NMU: variants seen among roughly 807,000 people sequenced by gnomAD.
The protein encoded by NMU is neuromedin-U.
Under a neutral mutation model 35.4 loss-of-function variants are expected in NMU, and 29 were observed. That is an observed-to-expected ratio of 0.82 (90% CI 0.61 to 1.12). NMU has a LOEUF of 1.12. Among genes scored for constraint, NMU ranks in the 50% most tolerant of loss-of-function variants. NMU has a pLI of 0.00. For missense variants in NMU, 199 were observed against 206.2 expected, an observed-to-expected ratio of 0.97 and a Z score of 0.21; for synonymous variants, 78 against 81.3, an observed-to-expected ratio of 0.96 and a Z score of 0.22.
At chr4:55,627,808 A>G (rs934806258) in intron 2 of NMU, among the ~76,000 whole-genome samples, 3 of 152,240 alleles carry the variant, frequency 2.0e-5, no homozygotes, top group Non-Finnish European at 4.4e-5. Flanking sequence ...ATAGACTAGA[A>G]GAGAAAAAGC....
chr4:55,618,462 A>C (rs369040295), intron 2 of NMU, among the ~76,000 whole-genome samples: 1 of 152,176 alleles, frequency 6.6e-6, no homozygotes, highest in East Asian at 1.9e-4. Flanking sequence ...ACGAGTGAGA[A>C]ATTGTGTTTG....
At chr4:55,617,855 A>C (rs1195168032) in intron 2 of NMU, among the ~76,000 whole-genome samples, 1 of 152,228 alleles carries the variant, frequency 6.6e-6, no homozygotes, top group Non-Finnish European at 1.5e-5. Flanking sequence ...GAGGTGGTCC[A>C]TGTTCAAGAA....
chr4:55,611,227 G>A (rs573473569), intron 3 of NMU, among the ~76,000 whole-genome samples: 3 of 152,172 alleles, frequency 2.0e-5, no homozygotes, highest in African/African-American at 7.2e-5. Flanking sequence ...GCCAGGTGTG[G>A]TGGTGCATGC....
intron 8 of NMU, among the ~76,000 whole-genome samples, chr4:55,599,408 G>T (rs935997344): frequency 1.3e-5 from 2 of 152,154 alleles, no homozygotes; most frequent in African/African-American, 4.8e-5. Context: ...TGCTAATGCT[G>T]CAAAGACCAC....
chr4:55,618,059 G>A (rs1253304429), intron 2 of NMU, among the ~76,000 whole-genome samples: 1 of 152,110 alleles, frequency 6.6e-6, no homozygotes, highest in African/African-American at 2.4e-5. Flanking sequence ...TCAGCATATG[G>A]CTCTAATGGT....
chr4:55,609,004 C>T, intron 4 of NMU, 116 bp downstream of exon 4: 1 of 816,414 alleles, frequency 1.2e-6, no homozygotes, highest in Non-Finnish European at 2.1e-6. Flanking sequence ...AACAATTTTT[C>T]CTCTTCTAAC....
rs1353878856 is a variant in NMU, at chr4:55,619,688, C to T, written c.172-3303G>A. Among the ~76,000 whole-genome samples, 37 of 120,284 alleles carry T rather than the reference C, an allele frequency of 3.1e-4. No homozygotes were observed. The Admixed American group carries it at 3.1e-3, about 10-fold the overall frequency. 78.9% of individuals were successfully genotyped at this position (120,284 alleles called of 152,430 possible). ...ACAGCTCAAGGAGGCCTGCCTGCCTCTGTAGGCTCCACCTCTGGGGGCAGG... is the reference window on the plus strand; with the variant it reads ...ACAGCTCAAGGAGGCCTGCCTGCCTTTGTAGGCTCCACCTCTGGGGGCAGG... On this transcript the variant is annotated intron_variant, in intron 2 of 9. Coordinates refer to ENST00000264218, the MANE Select transcript of NMU (RefSeq NM_006681.4).
At chr4:55,599,564 GT>G (rs767832246) in intron 8 of NMU, among the ~76,000 whole-genome samples, 4 of 152,120 alleles carry the variant, frequency 2.6e-5, no homozygotes, top group Non-Finnish European at 5.9e-5. Flanking sequence ...CCTGCTATCA[GT>G]CCAATTCCTT....
At chr4:55,625,469 C>A (rs2110208582) in intron 2 of NMU, among the ~76,000 whole-genome samples, 1 of 152,088 alleles carries the variant, frequency 6.6e-6, no homozygotes, top group Admixed American at 6.5e-5. Context: ...AGGCAGAGGC[C>A]CTTGTAATAC....
At chr4:55,596,383 A>T (rs1233680261) in intron 9 of NMU, among the ~76,000 whole-genome samples, 1 of 150,968 alleles carries the variant, frequency 6.6e-6, no homozygotes, top group Non-Finnish European at 1.5e-5. Context: ...TTTTTACTAA[A>T]TTCACCAAAT....
intron 1 of NMU, 45 bp from the exon 2 acceptor site, chr4:55,630,505 T>C: frequency 6.9e-7 from 1 of 1,453,508 alleles, no homozygotes; most frequent in Non-Finnish European, 9.7e-7. Context: ...TAGCATTTCT[T>C]CTAAAATTAA....
chr4:55,616,313 AC>A (rs757172039), intron 3 of NMU, 24 bp downstream of exon 3: 37 of 1,580,582 alleles, frequency 2.3e-5, no homozygotes, highest in Non-Finnish European at 2.9e-5. Context: ...CTACATTATT[AC>A]AAAATATCTT....
chr4:55,596,939 T>C (rs1733207331), intron 9 of NMU, among the ~76,000 whole-genome samples: 1 of 152,210 alleles, frequency 6.6e-6, no homozygotes, highest in Admixed American at 6.5e-5. Context: ...GTTTAATCTC[T>C]TCCTAATAGA....
At position 55,630,382 on chromosome 4, in the gene NMU, G is replaced by T. The variant is rs373623715; in HGVS notation, c.171+20C>A. The T allele has an allele frequency of 1.4e-5, 22 of 1,581,226 alleles. No homozygotes were observed. In the African/African-American group the frequency reaches 3.0e-4, roughly 21 times the overall value. On this transcript the variant is annotated intron_variant, in intron 2 of 9. Transcript: ENST00000264218. ...AGAAGGGTAAAGTTTCTACAAATTT[G>T]TGTGATGATAGTTCCTTACCTCATT...
chr4:55,610,320 G>A (rs924444682), intron 3 of NMU, among the ~76,000 whole-genome samples: 5 of 152,050 alleles, frequency 3.3e-5, no homozygotes, highest in Middle Eastern at 3.4e-3. Context: ...AAAATTAGCC[G>A]GGCATGTTAG....
chr4:55,612,147 C>A (rs1295604137), intron 3 of NMU, among the ~76,000 whole-genome samples: 1 of 152,216 alleles, frequency 6.6e-6, no homozygotes, highest in African/African-American at 2.4e-5. Flanking sequence ...GCTGAATACA[C>A]AGGTCACCCC....
At chr4:55,613,169 A>G (rs1734001106) in intron 3 of NMU, among the ~76,000 whole-genome samples, 1 of 152,212 alleles carries the variant, frequency 6.6e-6, no homozygotes, top group Non-Finnish European at 1.5e-5. Context: ...GAGGGTGGAA[A>G]GAGGGTTAGG....
intron 1 of NMU, among the ~76,000 whole-genome samples, chr4:55,635,326 C>T (rs565644603): frequency 6.6e-6 from 1 of 152,204 alleles, no homozygotes; most frequent in South Asian, 2.1e-4. Context: ...CCTTCCCTGA[C>T]CTTGCGTTTC....
rs1459566444 is a variant in NMU at position 55,636,136 on chromosome 4, C to A, written c.57G>T (p.Ala19=). The A allele has an allele frequency of 3.5e-5, 54 of 1,523,614 alleles. No homozygotes were observed. The highest frequency in any genetic ancestry group is 4.4e-5 in the Non-Finnish European group (50 of 1,141,836). 94.4% of individuals were successfully genotyped at this position (1,523,614 alleles called of 1,614,324 possible). A position where few individuals can be genotyped will look rare whatever the true frequency, so the allele number is the denominator to read the frequency against. The change falls in exon 1 of 10, where the codon GCG becomes GCT. Residue 19 remains alanine (A), a synonymous_variant. Coordinates refer to ENST00000264218, the MANE Select transcript of NMU (RefSeq NM_006681.4). This position sits in a 1 kb window ranked among gnomAD's most constrained non-coding sequence, Gnocchi z 4.0. ...GCAGCAGCAGCAGCAGGAGCGGGGA[C>A]GCCGCGGCCACCTGTCCGGCGGGCG... ...PRSPAGQVAA[A]SPLLLLLLLL... is the part of the protein sequence containing the mutation.
Sources: allele counts gnomAD v4.1 joint callset (sites outside exome capture counted in the v4.1 genomes callset), GRCh38; gene constraint gnomAD v4.1.1; non-coding constraint Gnocchi (gnomAD v3.1); transcripts MANE v1.5; gene names NCBI Gene and HGNC (gene_info 2026-07-23, HGNC 2026-07-21).